SND1: variants seen among roughly 807,000 people sequenced by gnomAD.
SND1 encodes staphylococcal nuclease domain-containing protein 1.
SND1 carries 38 observed loss-of-function variants against 121.7 expected under a neutral mutation model. The observed-to-expected ratio is 0.31, with a 90% CI of 0.24 to 0.41. The LOEUF is 0.41. SND1 is among the 10% of genes least tolerant of loss of function. The pLI is 1.00. For missense variants in SND1, 868 were observed against 1,184.6 expected (o/e 0.73, Z 3.92); for synonymous variants, 401 against 447.4 (o/e 0.90, Z 1.31).
chr7:127,678,620 G>A (rs1174854441), intron 1 of SND1, among the ~76,000 whole-genome samples: 1 of 152,120 alleles, frequency 6.6e-6, no homozygotes, highest in Admixed American at 6.6e-5. Context: ...CAAAAAACTG[G>A]CTGTGTTGGT....
intron 16 of SND1, among the ~76,000 whole-genome samples, chr7:128,022,494 A>G (rs1378912213): frequency 6.6e-6 from 1 of 152,224 alleles, no homozygotes; most frequent in Non-Finnish European, 1.5e-5. Context: ...TCAAATGCTA[A>G]CTTCCTTTGA....
intron 15 of SND1, among the ~76,000 whole-genome samples, chr7:127,978,134 A>G (rs944024195): frequency 1.3e-5 from 2 of 152,182 alleles, no homozygotes; most frequent in African/African-American, 4.8e-5. Context: ...GCCAAAGGAT[A>G]GTGCAGAGAG....
intron 16 of SND1, among the ~76,000 whole-genome samples, chr7:128,064,144 C>G (rs898797211): frequency 6.6e-6 from 1 of 152,046 alleles, no homozygotes; most frequent in Non-Finnish European, 1.5e-5. Context: ...CACTGAAGCC[C>G]TTTGAGGTAG....
At chr7:128,026,906 G>A (rs1478665209) in intron 16 of SND1, among the ~76,000 whole-genome samples, 4 of 151,900 alleles carry the variant, frequency 2.6e-5, no homozygotes, top group South Asian at 2.1e-4. Context: ...AGGAAAGGTT[G>A]ACAGCTTTAG....
rs768554644 is a variant in SND1, at chr7:128,084,760, A to G, written c.2147A>G (p.Asn716Ser). ...QLEKLMENMR[N>S]DIASHPPVEG... ...GAGAAGCTGATGGAGAACATGCGCA[A>G]TGACATTGCCAGTCACCCCCCTGTA... is the stretch of plus-strand genomic sequence containing the variant. The change falls in exon 19 of 24, where the codon AAT becomes AGT. Residue 716 changes from asparagine to serine, a missense_variant. Asn to Ser is a conservative substitution (Grantham distance 46). Coordinates refer to ENST00000354725, the MANE Select transcript of SND1 (RefSeq NM_014390.4). 1.9e-6 allele frequency: 3 copies of G among 1,609,974 alleles called. No homozygotes were observed. Among genetic ancestry groups the G allele is most frequent in the Non-Finnish European group, 2.5e-6 (3 of 1,177,518 alleles).
intron 15 of SND1, among the ~76,000 whole-genome samples, chr7:127,951,816 G>A (rs1343876038): frequency 6.6e-6 from 1 of 152,114 alleles, no homozygotes; most frequent in Non-Finnish European, 1.5e-5. Flanking sequence ...GTTGTCTTGT[G>A]TCATTGAAAA....
intron 11 of SND1, among the ~76,000 whole-genome samples, chr7:127,816,085 C>T: frequency 6.6e-6 from 1 of 152,178 alleles, no homozygotes; most frequent in Non-Finnish European, 1.5e-5. Context: ...ATAGGCTTAC[C>T]TCCAAACCAG....
chr7:127,792,914 C>T (rs942225392), intron 10 of SND1, among the ~76,000 whole-genome samples: 12 of 152,242 alleles, frequency 7.9e-5, no homozygotes, highest in African/African-American at 2.9e-4. Context: ...TCTTCCAGTT[C>T]TGGCTCTCTC....
Position 128,085,833 on chromosome 7 carries a change from G to C in SND1, c.2304+53G>C. ...GGGGCTATCAAACACAGCAGCCCCC[G>C]AGTCAAATCCATCTGATCTCTCCAA... On this transcript the variant is annotated intron_variant, in intron 20 of 23. Coordinates refer to ENST00000354725, the MANE Select transcript of SND1 (RefSeq NM_014390.4). This position sits in a 1 kb window ranked among gnomAD's most constrained non-coding sequence, Gnocchi z 4.4. The C allele has an allele frequency of 1.4e-6, 2 of 1,452,846 alleles. No homozygotes were observed. The highest frequency in any genetic ancestry group is 1.7e-5 in the Admixed American group (1 of 59,734). 90.0% of individuals were successfully genotyped at this position (1,452,846 alleles called of 1,614,324 possible).
At chr7:127,958,734 C>T (rs1186530829) in intron 15 of SND1, among the ~76,000 whole-genome samples, 1 of 152,176 alleles carries the variant, frequency 6.6e-6, no homozygotes, top group Non-Finnish European at 1.5e-5. Flanking sequence ...GTGGGGCTCT[C>T]CTGCTTTCCC....
intron 10 of SND1, among the ~76,000 whole-genome samples, chr7:127,773,561 CTA>C (rs1389446778): frequency 2.0e-5 from 3 of 151,512 alleles, no homozygotes; most frequent in Non-Finnish European, 2.9e-5. Flanking sequence ...GAAAAGGAAA[CTA>C]TTTTTTGCAT....
intron 16 of SND1, among the ~76,000 whole-genome samples, chr7:128,009,425 C>T (rs910337507): frequency 4.6e-5 from 7 of 152,156 alleles, no homozygotes; most frequent in Non-Finnish European, 7.4e-5. Flanking sequence ...CTACTCATTG[C>T]AGGCAGCAAG....
chr7:127,662,408 T>G (rs1394778575), intron 1 of SND1, among the ~76,000 whole-genome samples: 5 of 152,218 alleles, frequency 3.3e-5, no homozygotes, highest in African/African-American at 1.2e-4. Context: ...ATTTTTCTGT[T>G]GATATATGTT....
intron 16 of SND1, among the ~76,000 whole-genome samples, chr7:128,004,077 G>A (rs1329695047): frequency 6.9e-6 from 1 of 145,370 alleles, no homozygotes; most frequent in Non-Finnish European, 1.5e-5. Context: ...GGCCCTTGAT[G>A]TATTTGTGGG....
chr7:127,979,315 G>A (rs892122208), intron 15 of SND1, among the ~76,000 whole-genome samples: 1 of 152,172 alleles, frequency 6.6e-6, no homozygotes, highest in African/African-American at 2.4e-5. Context: ...TCTGTAGAAG[G>A]GTGCGACTCA....
intron 16 of SND1, among the ~76,000 whole-genome samples, chr7:128,031,313 GCTCTGCGGGCCGCCGC>G (rs2116988597): frequency 6.6e-6 from 1 of 150,894 alleles, no homozygotes; most frequent in South Asian, 2.1e-4. Flanking sequence ...GCCCCGGCCC[GCTCTGCGGGCCGCCGC>G]CGGAGGGAGT....
At chr7:127,894,607 A>AT (rs1191011916) in intron 13 of SND1, among the ~76,000 whole-genome samples, 3 of 152,126 alleles carry the variant, frequency 2.0e-5, no homozygotes, top group African/African-American at 7.2e-5. Context: ...AGAAAATTTC[A>AT]TTTCTATACC....
At position 127,922,474 on chromosome 7, in the gene SND1, A is replaced by T. The variant is rs1584668736; in HGVS notation, c.1528-6714A>T. On this transcript the variant is annotated intron_variant, in intron 14 of 23. Coordinates refer to ENST00000354725, the MANE Select transcript of SND1 (RefSeq NM_014390.4). ...TAAGTATTTGCCAAGTTCTGGTTTC[A>T]TTTCTCAGTATTGTACACTGTGGAA... Among the ~76,000 whole-genome samples the T allele has an allele frequency of 3.3e-5, 5 of 152,018 alleles. No homozygotes were observed. In the East Asian group the frequency reaches 7.7e-4, roughly 23 times the overall value.
intron 16 of SND1, among the ~76,000 whole-genome samples, chr7:128,013,804 C>T (rs1295621228): frequency 1.3e-5 from 2 of 152,248 alleles, no homozygotes; most frequent in African/African-American, 2.4e-5. Flanking sequence ...CCACTCACCT[C>T]CTTAGGCAGG....
Sources: gnomAD v4.1 joint callset for allele counts (sites outside exome capture counted in the v4.1 genomes callset) on GRCh38, gnomAD v4.1.1 for gene constraint, Gnocchi (gnomAD v3.1) non-coding constraint, MANE v1.5 for transcripts, NCBI Gene and HGNC (gene_info 2026-07-23, HGNC 2026-07-21) for gene names.